Variants in GLRA3 observed in about 807,000 individuals in gnomAD.
GLRA3 encodes glycine receptor subunit alpha-3.
In GLRA3, 44 loss-of-function variants were observed where a neutral mutation model predicts 60.4. The observed-to-expected ratio is 0.73, with a 90% CI of 0.57 to 0.94. The LOEUF is 0.94. GLRA3 is among the 40% of genes least tolerant of loss of function. The probability of loss-of-function intolerance (pLI) is 0.00; values close to 1 mark genes in which losing one functional copy is unlikely to be tolerated. For synonymous variants in GLRA3, 223 were observed against 192.9 expected (o/e 1.16, Z -1.29); for missense variants, 508 against 564.6 (o/e 0.90, Z 1.02).
At chr4:174,789,867 C>CTCCCAATCATCAGAGCTCCCA (rs1421259711) in intron 1 of GLRA3, among the ~76,000 whole-genome samples, 2 of 152,156 alleles carry the variant, frequency 1.3e-5, no homozygotes, top group Non-Finnish European at 2.9e-5. Flanking sequence ...TCATCACATG[C>CTCCCAATCATCAGAGCTCCCA]TCCCAGCTCT....
intron 7 of GLRA3, among the ~76,000 whole-genome samples, chr4:174,665,199 T>C (rs1379090132): frequency 2.0e-5 from 3 of 151,484 alleles, no homozygotes; most frequent in African/African-American, 2.4e-5. Context: ...CTGAAAGCAA[T>C]TGACAAGCTC....
chr4:174,828,001 C>T (rs957701494), intron 1 of GLRA3, among the ~76,000 whole-genome samples: 3 of 151,942 alleles, frequency 2.0e-5, no homozygotes, highest in Admixed American at 6.6e-5. Context: ...TCATTAAGAA[C>T]GGGGTAAAAT....
At chr4:174,777,578 G>A (rs759265898) in intron 2 of GLRA3, among the ~76,000 whole-genome samples, 7 of 152,124 alleles carry the variant, frequency 4.6e-5, no homozygotes, top group Non-Finnish European at 8.8e-5. Flanking sequence ...CATACCACAA[G>A]CACAGGAGAT....
At chr4:174,814,477 G>T (rs561627871) in intron 1 of GLRA3, among the ~76,000 whole-genome samples, 129 of 152,204 alleles carry the variant, frequency 8.5e-4, no homozygotes, top group African/African-American at 3.1e-3. Flanking sequence ...CTGCCACTCT[G>T]CCACTCTGCC....
At chr4:174,746,188 C>T (rs1737239005) in intron 3 of GLRA3, among the ~76,000 whole-genome samples, 1 of 152,128 alleles carries the variant, frequency 6.6e-6, no homozygotes, top group Non-Finnish European at 1.5e-5. Context: ...GGGATACCTG[C>T]ACTTGTACGT....
chr4:174,751,414 G>A (rs1737480338), intron 3 of GLRA3, among the ~76,000 whole-genome samples: 1 of 151,984 alleles, frequency 6.6e-6, no homozygotes, highest in African/African-American at 2.4e-5. Context: ...CATCAGATGT[G>A]GAAGATAAAT....
intron 2 of GLRA3, among the ~76,000 whole-genome samples, chr4:174,777,542 GA>G (rs1738648569): frequency 6.6e-6 from 1 of 152,164 alleles, no homozygotes; most frequent in South Asian, 2.1e-4. Flanking sequence ...GGGGGTAGAT[GA>G]GGGGAAGTGG....
chr4:174,745,795 A>G, intron 3 of GLRA3, among the ~76,000 whole-genome samples: 1 of 152,100 alleles, frequency 6.6e-6, no homozygotes, highest in Middle Eastern at 3.2e-3. Flanking sequence ...AATAGGAAAA[A>G]AAAAAAAAGT....
At chr4:174,828,656 T>A in intron 1 of GLRA3, 85 bp downstream of exon 1, 1 of 813,618 alleles carries the variant, frequency 1.2e-6, no homozygotes, top group East Asian at 2.4e-5. Flanking sequence ...AATTGCAAAT[T>A]TCCCGGTCTC....
chr4:174,670,986 T>G (rs978248616), intron 7 of GLRA3, among the ~76,000 whole-genome samples: 5 of 152,086 alleles, frequency 3.3e-5, no homozygotes, highest in Admixed American at 3.3e-4. Flanking sequence ...AATTATTTCA[T>G]TTTCTGGGCC....
At chr4:174,730,731 GTAA>G (rs1283797233) in intron 3 of GLRA3, among the ~76,000 whole-genome samples, 3 of 152,108 alleles carry the variant, frequency 2.0e-5, no homozygotes, top group African/African-American at 7.2e-5. Context: ...CAGCTTCTAA[GTAA>G]TACAAGGAAA....
At chr4:174,812,844 T>C (rs888055709) in intron 1 of GLRA3, among the ~76,000 whole-genome samples, 2 of 152,162 alleles carry the variant, frequency 1.3e-5, no homozygotes, top group Admixed American at 6.6e-5. Flanking sequence ...TCCGTCTTTT[T>C]TTCCTACCTT....
chr4:174,714,303 G>A (rs1162227044), intron 5 of GLRA3, among the ~76,000 whole-genome samples: 1 of 152,084 alleles, frequency 6.6e-6, no homozygotes. Context: ...TATACAATCA[G>A]CCTGTCCTCA....
chr4:174,698,036 A>C (rs1344219435), intron 5 of GLRA3, among the ~76,000 whole-genome samples: 1 of 152,124 alleles, frequency 6.6e-6, no homozygotes, highest in Non-Finnish European at 1.5e-5. Context: ...ATCTGCTCAA[A>C]TTTGTGAAAT....
chr4:174,775,379 T>G (rs1738558452), intron 2 of GLRA3, among the ~76,000 whole-genome samples: 1 of 152,022 alleles, frequency 6.6e-6, no homozygotes, highest in Admixed American at 6.5e-5. Context: ...TAGAATAGAG[T>G]ACTAGAAAGA....
intron 3 of GLRA3, among the ~76,000 whole-genome samples, chr4:174,735,508 G>A (rs1250576401): frequency 1.3e-5 from 2 of 152,090 alleles, no homozygotes; most frequent in South Asian, 2.1e-4. Flanking sequence ...CAATTTACAT[G>A]TTAAAATAAA....
chr4:174,779,603 C>A (rs1738780563), intron 2 of GLRA3, among the ~76,000 whole-genome samples: 1 of 151,978 alleles, frequency 6.6e-6, no homozygotes. Context: ...ATAACCAATA[C>A]AGAGAAGTGC....
intron 1 of GLRA3, among the ~76,000 whole-genome samples, chr4:174,813,584 A>C (rs1042919404): frequency 2.6e-5 from 4 of 152,146 alleles, no homozygotes; most frequent in African/African-American, 9.7e-5. Context: ...CATACTTGAG[A>C]CTTCCCACTT....
rs563060235 is a variant in GLRA3 at position 174,764,277 on chromosome 4, G to A, written c.267+2686C>T. The stretch of plus-strand genomic sequence containing the variant: ...TCAAATGGGAGAGCTGTATTTAAAA[G>A]TGAGACATACCAGTTATAGACTAGA... On this transcript the variant is annotated intron_variant, in intron 3 of 9. Transcript: ENST00000274093. Among the ~76,000 whole-genome samples, 57 of 152,188 alleles carry A rather than the reference G, an allele frequency of 3.7e-4. 1 individual carries two copies. The South Asian group carries it at 0.012, about 32-fold the overall frequency.
Sources: gnomAD v4.1 joint callset for allele counts (sites outside exome capture counted in the v4.1 genomes callset) on GRCh38, gnomAD v4.1.1 for gene constraint, MANE v1.5 for transcripts, NCBI Gene and HGNC (gene_info 2026-07-23, HGNC 2026-07-21) for gene names.